The following WDR27 variants were observed in gnomAD, a reference collection of about 807,000 sequenced individuals.
WDR27 encodes the protein WD repeat-containing protein 27.
A neutral mutation model predicts 114.4 loss-of-function variants in WDR27; 100 were observed. The observed-to-expected ratio is 0.87, with a 90% confidence interval of 0.74 to 1.03. The LOEUF (loss-of-function observed/expected upper bound fraction) is 1.03. Ranked by LOEUF, WDR27 falls within the 50% of genes least tolerant of loss-of-function variation. The pLI is 0.00. For synonymous variants in WDR27, 449 were observed against 423.1 expected (o/e 1.06, Z -0.75); for missense variants, 1,129 against 1,092.9 (o/e 1.03, Z -0.47).
At chr6:169,479,821 C>T (rs1422793147) in intron 25 of WDR27, among the ~76,000 whole-genome samples, 1 of 152,180 alleles carries the variant, frequency 6.6e-6, no homozygotes, top group East Asian at 1.9e-4. Context: ...AGGTATTAAC[C>T]CTAGTACCCA....
At chr6:169,520,941 TGAACAA>T (rs1437096992) in intron 25 of WDR27, among the ~76,000 whole-genome samples, 3 of 152,106 alleles carry the variant, frequency 2.0e-5, no homozygotes, top group African/African-American at 4.8e-5. Flanking sequence ...TTGAACAAGT[TGAACAA>T]GAACAAGGAG....
At chr6:169,651,035 G>C (rs1419067133) in intron 14 of WDR27, among the ~76,000 whole-genome samples, 1 of 152,070 alleles carries the variant, frequency 6.6e-6, no homozygotes, top group Admixed American at 6.6e-5. Context: ...ACACAGAGTG[G>C]CCTGGGATTT....
At chr6:169,645,816 G>A (rs539418843) in intron 16 of WDR27, among the ~76,000 whole-genome samples, 2 of 141,748 alleles carry the variant, frequency 1.4e-5, no homozygotes, top group East Asian at 2.0e-4. Flanking sequence ...TAGTTCACAG[G>A]AGTCACACTG....
intron 25 of WDR27, among the ~76,000 whole-genome samples, chr6:169,495,848 T>C (rs1009233121): frequency 3.3e-5 from 5 of 152,110 alleles, no homozygotes; most frequent in Admixed American, 2.0e-4. Flanking sequence ...AAATTTAAAA[T>C]GGAATTATTC....
chr6:169,432,963 G>C, the WDR27 span, among the ~76,000 whole-genome samples: 1 of 152,304 alleles, frequency 6.6e-6, no homozygotes, highest in Admixed American at 6.5e-5. Flanking sequence ...GAATCACTTT[G>C]AGTAAAATGC....
chr6:169,523,695 T>C (rs909224868), intron 25 of WDR27, among the ~76,000 whole-genome samples: 1 of 152,096 alleles, frequency 6.6e-6, no homozygotes, highest in Non-Finnish European at 1.5e-5. Context: ...AACTATGTCA[T>C]CATTTCAATA....
rs1193172964 is a variant in WDR27 at position 169,457,634 on chromosome 6, G to A, written c.2646C>T (p.Ser882=). ...CLSLPSSWDY[S]LPQLPWMVNS... ...TTACCATCCAAGGTAGCTGTGGCAA[G>A]CTGTAATTGAAAATAAAATACCATG... is the stretch of plus-strand genomic sequence containing the variant. Residue 882 remains serine (S), a splice_region_variant and synonymous_variant, in exon 26 of 26, where the codon AGC becomes AGT. Coordinates refer to ENST00000448612, the MANE Select transcript of WDR27 (RefSeq NM_182552.5). The A allele has an allele frequency of 1.3e-6, 2 of 1,551,012 alleles. No homozygotes were observed. Among genetic ancestry groups the A allele is most frequent in the African/African-American group, 1.4e-5 (1 of 73,068 alleles).
intron 18 of WDR27, among the ~76,000 whole-genome samples, chr6:169,637,090 C>T (rs1192413360): frequency 2.0e-5 from 3 of 152,270 alleles, no homozygotes; most frequent in South Asian, 2.1e-4. Flanking sequence ...TTGCAAGTCG[C>T]CTGCTCATAA....
At chr6:169,466,291 T>C (rs1785576997) in intron 25 of WDR27, among the ~76,000 whole-genome samples, 2 of 152,168 alleles carry the variant, frequency 1.3e-5, no homozygotes. Flanking sequence ...CACACTGCTA[T>C]AAAGAACTGC....
rs142960771 is a variant in WDR27, at chr6:169,669,374, A to T, written c.457-1189T>A. 4.9e-3 allele frequency: 741 copies of T among 152,258 alleles called. 16 individuals carry two copies. The highest frequency in any genetic ancestry group is 2.0e-3 in the Non-Finnish European group (135 of 68,012). The allele number at this position is 152,258 out of a possible 1,614,324, so 9.4% of individuals were successfully genotyped here. ...GGAGGATCTCACGGGCTGCACACACATCTGCAGCAGGCACCTGCTTACTCA... is the reference window on the plus strand; with the variant it reads ...GGAGGATCTCACGGGCTGCACACACTTCTGCAGCAGGCACCTGCTTACTCA... On this transcript the variant is annotated intron_variant, in intron 4 of 25. Transcript: ENST00000448612.
chr6:169,476,675 T>A (rs949087376), intron 25 of WDR27, among the ~76,000 whole-genome samples: 3 of 152,212 alleles, frequency 2.0e-5, no homozygotes, highest in African/African-American at 7.2e-5. Context: ...CATGGCTATT[T>A]TTTTTTAGTT....
intron 21 of WDR27, among the ~76,000 whole-genome samples, chr6:169,632,410 C>T (rs1341940157): frequency 6.6e-6 from 1 of 152,116 alleles, no homozygotes; most frequent in Non-Finnish European, 1.5e-5. Context: ...GTTTTGTTCC[C>T]AAGACTTAGA....
intron 25 of WDR27, among the ~76,000 whole-genome samples, chr6:169,496,514 T>C (rs748197218): frequency 5.3e-5 from 8 of 152,148 alleles, no homozygotes; most frequent in Non-Finnish European, 1.0e-4. Context: ...ACAATTATCT[T>C]TGTTTGCAGA....
chr6:169,678,320 T>C (rs368227103), intron 2 of WDR27, among the ~76,000 whole-genome samples: 17 of 152,304 alleles, frequency 1.1e-4, no homozygotes, highest in South Asian at 2.1e-4. Context: ...ACAGAGTCAA[T>C]AGAGATAATT....
rs2115490144 is a variant in WDR27 at position 169,502,528 on chromosome 6, A to G, written c.2646-44894T>C. ...CCGCACTGGGCTAAGATCAAGTAGC[A>G]AAGGGCTGGTTCCCTCTGGAGGCTT... On this transcript the variant is annotated intron_variant, in intron 25 of 25. Coordinates refer to ENST00000448612, the MANE Select transcript of WDR27 (RefSeq NM_182552.5). Among the ~76,000 whole-genome samples, 4 of 152,326 alleles carry G rather than the reference A, an allele frequency of 2.6e-5. No homozygotes were observed. The South Asian group carries it at 8.3e-4, about 32-fold the overall frequency.
intron 25 of WDR27, among the ~76,000 whole-genome samples, chr6:169,543,709 A>G (rs1388033447): frequency 6.6e-6 from 1 of 152,152 alleles, no homozygotes; most frequent in Non-Finnish European, 1.5e-5. Context: ...GTCATTTCAG[A>G]TAATTTGAAT....
chr6:169,539,441 T>C (rs180864937), intron 25 of WDR27, among the ~76,000 whole-genome samples: 3 of 152,342 alleles, frequency 2.0e-5, no homozygotes, highest in Admixed American at 2.0e-4. Flanking sequence ...TGTTTCATTT[T>C]GCCTACTGCC....
intron 12 of WDR27, among the ~76,000 whole-genome samples, chr6:169,658,725 C>A: frequency 6.6e-6 from 1 of 151,384 alleles, no homozygotes; most frequent in Non-Finnish European, 1.5e-5. Flanking sequence ...GCTCTGTCAC[C>A]CAGGCTGCAG....
At chr6:169,520,196 C>T (rs1425947023) in intron 25 of WDR27, among the ~76,000 whole-genome samples, 2 of 152,190 alleles carry the variant, frequency 1.3e-5, no homozygotes, top group Middle Eastern at 3.4e-3. Flanking sequence ...TATTCCATTA[C>T]TCCCCAGGGC....
Sources: gnomAD v4.1 joint callset for allele counts (sites outside exome capture counted in the v4.1 genomes callset) on GRCh38, gnomAD v4.1.1 for gene constraint, MANE v1.5 for transcripts, NCBI Gene and HGNC (gene_info 2026-07-23, HGNC 2026-07-21) for gene names.